Variants in SLC4A10 observed in about 807,000 individuals in gnomAD.
The protein encoded by SLC4A10 is sodium-driven chloride bicarbonate exchanger.
A neutral mutation model predicts 137.7 loss-of-function variants in SLC4A10; 42 were observed. The observed-to-expected ratio is 0.30, with a 90% confidence interval of 0.24 to 0.39. The LOEUF is 0.39. Among genes scored for constraint, SLC4A10 ranks in the 10% least tolerant of loss-of-function variants. SLC4A10 has a pLI of 1.00. For missense variants in SLC4A10, 925 were observed against 1,355.0 expected (o/e 0.68, Z 4.98); for synonymous variants, 474 against 464.1 (o/e 1.02, Z -0.27).
intron 1 of SLC4A10, among the ~76,000 whole-genome samples, chr2:161,684,016 C>T (rs1035621784): frequency 3.3e-5 from 5 of 152,252 alleles, no homozygotes; most frequent in Admixed American, 1.3e-4. Flanking sequence ...ACTGAAACTC[C>T]GTGTGTATTA....
intron 11 of SLC4A10, among the ~76,000 whole-genome samples, chr2:161,898,474 ATGAGT>A (rs1293615099): frequency 6.6e-6 from 1 of 152,164 alleles, no homozygotes; most frequent in African/African-American, 2.4e-5. Flanking sequence ...ACGGAGTGAA[ATGAGT>A]TAATATACAT....
intron 3 of SLC4A10, among the ~76,000 whole-genome samples, chr2:161,815,332 A>G (rs2056945570): frequency 6.6e-6 from 1 of 152,056 alleles, no homozygotes; most frequent in Non-Finnish European, 1.5e-5. Context: ...ATTTCTCATG[A>G]GATCTGAAGG....
At chr2:161,887,858 T>C (rs2062477551) in intron 10 of SLC4A10, among the ~76,000 whole-genome samples, 1 of 152,210 alleles carries the variant, frequency 6.6e-6, no homozygotes, top group African/African-American at 2.4e-5. Context: ...CTTTTGGTGT[T>C]TTAGTCATGA....
rs1491370184 is a variant in SLC4A10, at chr2:161,945,174, GTT to G, written c.2103+2279_2103+2280del. On this transcript the variant is annotated intron_variant, in intron 16 of 26. Coordinates refer to ENST00000446997, the MANE Select transcript of SLC4A10 (RefSeq NM_001178015.2). ...ATTTATGGCAAACTGGAGTACTTAA[GTT>G]TGTGTGTATATATATATATATATAT... Among the ~76,000 whole-genome samples the G allele has an allele frequency of 2.2e-4, 23 of 104,050 alleles. 1 individual carries two copies. Among genetic ancestry groups the G allele is most frequent in the African/African-American group, 9.5e-4 (22 of 23,184 alleles). 68.3% of individuals were successfully genotyped at this position (104,050 alleles called of 152,430 possible). A position where few individuals can be genotyped will look rare whatever the true frequency, so the allele number is the denominator to read the frequency against.
At chr2:161,886,350 A>G (rs2062281243) in intron 10 of SLC4A10, among the ~76,000 whole-genome samples, 1 of 152,134 alleles carries the variant, frequency 6.6e-6, no homozygotes, top group Non-Finnish European at 1.5e-5. Context: ...CTTAAAAAAA[A>G]TTATTTACTA....
At chr2:161,796,402 G>A (rs2054777419) in intron 2 of SLC4A10, among the ~76,000 whole-genome samples, 1 of 152,182 alleles carries the variant, frequency 6.6e-6, no homozygotes. Flanking sequence ...TCAGCTGGAT[G>A]ACTGCCAGCT....
chr2:161,975,507 A>G (rs542136119), intron 24 of SLC4A10, among the ~76,000 whole-genome samples: 51 of 152,226 alleles, frequency 3.4e-4, no homozygotes, highest in Non-Finnish European at 6.9e-4. Flanking sequence ...ATCATGAAAA[A>G]TGTCTATTCC....
chr2:161,686,917 C>T (rs1467907978), intron 1 of SLC4A10, among the ~76,000 whole-genome samples: 1 of 149,320 alleles, frequency 6.7e-6, no homozygotes, highest in Non-Finnish European at 1.5e-5. Flanking sequence ...GAGTCTTGCT[C>T]TGTTGCCCAG....
At chr2:161,841,699 G>C (rs2059195492) in intron 4 of SLC4A10, among the ~76,000 whole-genome samples, 1 of 152,046 alleles carries the variant, frequency 6.6e-6, no homozygotes, top group African/African-American at 2.4e-5. Flanking sequence ...CAACCAAAAT[G>C]GTTACCAACT....
At chr2:161,897,557 A>C (rs182590952) in intron 11 of SLC4A10, among the ~76,000 whole-genome samples, 1 of 152,164 alleles carries the variant, frequency 6.6e-6, no homozygotes, top group African/African-American at 2.4e-5. Flanking sequence ...TAAAGAAACT[A>C]TATGGATACC....
intron 1 of SLC4A10, among the ~76,000 whole-genome samples, chr2:161,701,726 C>A (rs2043137353): frequency 6.6e-6 from 1 of 151,750 alleles, no homozygotes; most frequent in African/African-American, 2.4e-5. Flanking sequence ...GTTTATCCCC[C>A]TTCCTTTTAC....
chr2:161,660,034 C>A (rs2038081678), intron 1 of SLC4A10, among the ~76,000 whole-genome samples: 1 of 148,434 alleles, frequency 6.7e-6, no homozygotes, highest in Admixed American at 6.8e-5. Flanking sequence ...AAAGTCACTG[C>A]TAATAGGCAC....
At chr2:161,813,506 C>T (rs1374417084) in intron 3 of SLC4A10, among the ~76,000 whole-genome samples, 4 of 152,044 alleles carry the variant, frequency 2.6e-5, no homozygotes, top group Non-Finnish European at 4.4e-5. Context: ...TAAGTATCTT[C>T]TGCATTTTCA....
At chr2:161,634,900 A>G (rs2034165113) in intron 1 of SLC4A10, among the ~76,000 whole-genome samples, 1 of 152,006 alleles carries the variant, frequency 6.6e-6, no homozygotes, top group Non-Finnish European at 1.5e-5. Context: ...CCACTATTCT[A>G]TTCTCTACTT....
At chr2:161,831,558 T>A (rs1232369725) in intron 3 of SLC4A10, among the ~76,000 whole-genome samples, 1 of 152,160 alleles carries the variant, frequency 6.6e-6, no homozygotes, top group South Asian at 2.1e-4. Flanking sequence ...GTAAATGAAT[T>A]TTTTTCTGGC....
At chr2:161,756,060 C>T (rs914162432) in intron 1 of SLC4A10, among the ~76,000 whole-genome samples, 1 of 152,080 alleles carries the variant, frequency 6.6e-6, no homozygotes, top group East Asian at 1.9e-4. Context: ...TGAGCCACCG[C>T]ACCTGGCCCC....
rs188898569 is a variant in SLC4A10, at chr2:161,922,579, A to G, written c.1997+16692A>G. 2.4e-4 allele frequency among the ~76,000 whole-genome samples: 37 copies of G among 152,310 alleles called. 1 individual carries two copies. In the East Asian group the frequency reaches 6.7e-3, roughly 28 times the overall value. On this transcript the variant is annotated intron_variant, in intron 15 of 26. Transcript: ENST00000446997. The stretch of plus-strand genomic sequence containing the variant: ...AGGAAAATGCTTGCATTCTAGTGCT[A>G]TGTAAAAAAGGAATAAAAATATTGT...
chr2:161,713,098 T>C (rs1344997287), intron 1 of SLC4A10, among the ~76,000 whole-genome samples: 1 of 151,760 alleles, frequency 6.6e-6, no homozygotes, highest in African/African-American at 2.4e-5. Context: ...AACAACATCA[T>C]TAAAGGTAGG....
chr2:161,634,843 C>T (rs1036235090), intron 1 of SLC4A10, among the ~76,000 whole-genome samples: 1 of 151,912 alleles, frequency 6.6e-6, no homozygotes. Context: ...CATTGACCAA[C>T]CTTTACCCAT....
Sources: gnomAD v4.1 joint callset for allele counts (sites outside exome capture counted in the v4.1 genomes callset) on GRCh38, gnomAD v4.1.1 for gene constraint, MANE v1.5 for transcripts, NCBI Gene and HGNC (gene_info 2026-07-23, HGNC 2026-07-21) for gene names.